The following LIN54 variants were observed in gnomAD, a reference collection of about 807,000 sequenced individuals.
LIN54 encodes lin-54 DREAM MuvB core complex component.
In LIN54, 9 loss-of-function variants were observed where a neutral mutation model predicts 78.7. The observed-to-expected ratio is 0.11, with a 90% CI of 0.07 to 0.20. LIN54 has a LOEUF of 0.20. Ranked by LOEUF, LIN54 falls within the 10% of genes least tolerant of loss-of-function variation. The probability of loss-of-function intolerance (pLI) is 1.00; values close to 1 mark genes in which losing one functional copy is unlikely to be tolerated. For synonymous variants in LIN54, 269 were observed against 318.4 expected, an observed-to-expected ratio of 0.84 and a Z score of 1.65; for missense variants, 573 against 889.9, an observed-to-expected ratio of 0.64 and a Z score of 4.53.
intron 1 of LIN54, among the ~76,000 whole-genome samples, chr4:82,997,311 G>A (rs1358832986): frequency 6.6e-6 from 1 of 151,940 alleles, no homozygotes; most frequent in Admixed American, 6.6e-5. Context: ...ATTGTCATAA[G>A]GTACACTAAC....
At chr4:82,948,556 G>A (rs1441912533) in intron 4 of LIN54, among the ~76,000 whole-genome samples, 1 of 152,068 alleles carries the variant, frequency 6.6e-6, no homozygotes, top group Non-Finnish European at 1.5e-5. Flanking sequence ...TGTTTTTGTG[G>A]CAAGGGCAGT....
In LIN54 at chr4:82,924,779, T is replaced by TAGAA. The variant is rs1721337371; in HGVS notation, c.*3319_*3322dup. The TAGAA allele has an allele frequency of 1.3e-5, 2 of 152,206 alleles. No individual in the cohort carries two copies. The highest frequency in any genetic ancestry group is 4.8e-5 in the African/African-American group (2 of 41,410). 9.4% of individuals were successfully genotyped at this position (152,206 alleles called of 1,614,324 possible). ...ATTTACATGATGAAAATAACTCCAA[T>TAGAA]AGAAAGGGATTTTTAGTTGATTGCC... On this transcript the variant is annotated 3_prime_UTR_variant, in exon 13 of 13. Transcript: ENST00000340417.
chr4:83,012,071 G>C (rs2126121450), upstream of LIN54: 1 of 983,494 alleles, frequency 1.0e-6, no homozygotes, highest in Non-Finnish European at 1.2e-6. Flanking sequence ...CCTTCAACAA[G>C]GGCTGTCCAC....
rs1234519791 is a variant in LIN54 at position 82,984,153 on chromosome 4, TC to T, written c.684+7del. 6.4e-7 allele frequency: 1 copy of T among 1,558,174 alleles called. No individual in the cohort carries two copies. The highest frequency in any genetic ancestry group is 1.4e-5 in the African/African-American group (1 of 72,378). On this transcript the variant is annotated splice_region_variant and intron_variant, in intron 2 of 12. Transcript: ENST00000340417. ...ATTTTAATTAGTAAGCCCCCTTTTT[TC>T]TTTTACCTGTACTGTTTTTAACTGT...
chr4:82,929,779 C>T (rs28558339), intron 12 of LIN54, among the ~76,000 whole-genome samples: 65,264 of 151,864 alleles, frequency 0.43, 16,879 homozygotes, highest in Admixed American at 0.58. Context: ...GCACACCAGC[C>T]TGGGCAACAG....
intron 1 of LIN54, among the ~76,000 whole-genome samples, chr4:82,998,461 T>A (rs1728431176): frequency 6.9e-6 from 1 of 145,012 alleles, no homozygotes; most frequent in African/African-American, 2.6e-5. Flanking sequence ...AAGAATTGCT[T>A]GAACCCAGGA....
At chr4:83,006,881 G>A (rs767558204) in intron 1 of LIN54, among the ~76,000 whole-genome samples, 4 of 152,008 alleles carry the variant, frequency 2.6e-5, no homozygotes, top group African/African-American at 7.3e-5. Context: ...GGCTCACATC[G>A]GTAATCCTAG....
At chr4:82,995,485 A>AT (rs1553958258) in intron 1 of LIN54, among the ~76,000 whole-genome samples, 96 of 95,064 alleles carry the variant, frequency 1.0e-3, no homozygotes, top group Middle Eastern at 6.4e-3. Context: ...ACACATCCTT[A>AT]TCTCTTTTTT....
intron 1 of LIN54, among the ~76,000 whole-genome samples, chr4:83,008,183 G>A (rs1729556461): frequency 6.6e-6 from 1 of 152,076 alleles, no homozygotes. Context: ...TACATTTTCT[G>A]TAACTCTTAA....
At chr4:82,930,531 G>A (rs1344961518) in intron 12 of LIN54, among the ~76,000 whole-genome samples, 1 of 152,140 alleles carries the variant, frequency 6.6e-6, no homozygotes, top group Non-Finnish European at 1.5e-5. Context: ...ATAACAATAC[G>A]GAGCTGCACT....
Position 82,970,313 on chromosome 4 carries a change from A to C in LIN54, c.951+14T>G. On this transcript the variant is annotated intron_variant, in intron 4 of 12. Coordinates refer to ENST00000340417, the MANE Select transcript of LIN54 (RefSeq NM_194282.4). ...CCACAATATTTGGTATTTGTGGCTA[A>C]TTTATTTTTTTACCTTATTTGGCGA... 1.2e-6 allele frequency: 2 copies of C among 1,604,632 alleles called. No homozygotes were observed. Among genetic ancestry groups the C allele is most frequent in the Non-Finnish European group, 1.7e-6 (2 of 1,176,116 alleles).
chr4:82,928,360 G>A, intron 12 of LIN54, 57 bp from the exon 13 acceptor site: 1 of 1,325,638 alleles, frequency 7.5e-7, no homozygotes, highest in Non-Finnish European at 1.1e-6. Context: ...AACAAAAGTG[G>A]ATAACATTCT....
chr4:83,012,016 T>C (rs1450049025), upstream of LIN54: 6 of 985,136 alleles, frequency 6.1e-6, no homozygotes, highest in African/African-American at 1.7e-5. Flanking sequence ...TTCATTTCCC[T>C]ACCTTGTTTC....
intron 4 of LIN54, among the ~76,000 whole-genome samples, chr4:82,947,260 T>G (rs1723473158): frequency 2.1e-5 from 2 of 94,692 alleles, no homozygotes; most frequent in South Asian, 3.6e-4. Flanking sequence ...GAAGACAGGG[T>G]CTCATTCTGT....
upstream of LIN54, chr4:83,010,967 T>G (rs370191509): frequency 4.6e-6 from 3 of 656,948 alleles, no homozygotes; most frequent in Non-Finnish European, 6.3e-6. Context: ...GCCGAGACCT[T>G]TCACCCCCGG....
rs774647128 is a variant in LIN54, at chr4:82,984,142, G to C, written c.684+19C>G. On this transcript the variant is annotated intron_variant, in intron 2 of 12. Coordinates refer to ENST00000340417, the MANE Select transcript of LIN54 (RefSeq NM_194282.4). ...TTTAAACATGCATTTTAATTAGTAA[G>C]CCCCCTTTTTTCTTTTACCTGTACT... 1 of 1,521,168 alleles carries C rather than the reference G, an allele frequency of 6.6e-7. No homozygotes were observed. The highest frequency in any genetic ancestry group is 2.1e-5 in the Admixed American group (1 of 47,232). 94.2% of individuals were successfully genotyped at this position (1,521,168 alleles called of 1,614,324 possible).
chr4:82,939,863 T>G (rs2126037002), intron 6 of LIN54, 26 bp downstream of exon 6: 1 of 1,602,594 alleles, frequency 6.2e-7, no homozygotes, highest in Non-Finnish European at 8.5e-7. Flanking sequence ...TGGGAAAGAC[T>G]GAGAAAGAAG....
At chr4:83,000,827 C>T (rs374666330) in intron 1 of LIN54, among the ~76,000 whole-genome samples, 29 of 120,534 alleles carry the variant, frequency 2.4e-4, no homozygotes, top group East Asian at 7.1e-4. Flanking sequence ...GCAATAAATT[C>T]TTTTTTTTTT....
intron 1 of LIN54, among the ~76,000 whole-genome samples, chr4:82,999,012 CATACT>C (rs1295984558): frequency 6.6e-6 from 1 of 152,130 alleles, no homozygotes; most frequent in Non-Finnish European, 1.5e-5. Flanking sequence ...AACTGTAGTA[CATACT>C]ATACTATTGT....
Sources: allele counts gnomAD v4.1 joint callset (sites outside exome capture counted in the v4.1 genomes callset), GRCh38; gene constraint gnomAD v4.1.1; transcripts MANE v1.5; gene names NCBI Gene and HGNC (gene_info 2026-07-23, HGNC 2026-07-21).